The following DROSHA variants were observed in gnomAD, a reference collection of about 807,000 sequenced individuals.
DROSHA encodes the protein ribonuclease 3.
DROSHA carries 56 observed loss-of-function variants against 181.9 expected under a neutral mutation model. The observed-to-expected ratio is 0.31, with a 90% CI of 0.25 to 0.38. The LOEUF is 0.38. DROSHA is among the 10% of genes least tolerant of loss of function. The pLI is 1.00. For synonymous variants in DROSHA, 524 were observed against 591.2 expected (o/e 0.89, Z 1.65); for missense variants, 1,218 against 1,743.5 (o/e 0.70, Z 5.37).
At chr5:31,427,206 C>A (rs111653551) in intron 27 of DROSHA, among the ~76,000 whole-genome samples, 58 of 152,184 alleles carry the variant, frequency 3.8e-4, no homozygotes, top group African/African-American at 1.4e-3. Flanking sequence ...ACTGGGACAG[C>A]TGTGTAAAGA....
chr5:31,403,798 A>G (rs532444692), intron 35 of DROSHA, among the ~76,000 whole-genome samples: 2 of 152,364 alleles, frequency 1.3e-5, no homozygotes, highest in East Asian at 3.9e-4. Flanking sequence ...AATGCCTACT[A>G]TCCGGCCCTT....
intron 14 of DROSHA, 91 bp from the exon 15 acceptor site, chr5:31,485,053 G>C: frequency 1.1e-6 from 1 of 908,816 alleles, no homozygotes; most frequent in Non-Finnish European, 1.7e-6. Flanking sequence ...GTCTTTAAAA[G>C]TGTCTGTTAA....
chr5:31,426,284 A>G (rs187529903), intron 27 of DROSHA, among the ~76,000 whole-genome samples: 12 of 151,936 alleles, frequency 7.9e-5, no homozygotes, highest in African/African-American at 2.4e-4. Flanking sequence ...CAGTGCTACC[A>G]TTTATTAGCT....
At chr5:31,418,186 C>G (rs1269204818) in intron 30 of DROSHA, among the ~76,000 whole-genome samples, 1 of 152,006 alleles carries the variant, frequency 6.6e-6, no homozygotes, top group East Asian at 1.9e-4. Context: ...AACTGGGTCT[C>G]TATCAATCAC....
chr5:31,459,348 C>G (rs1230206271), intron 20 of DROSHA, among the ~76,000 whole-genome samples: 2 of 148,822 alleles, frequency 1.3e-5, no homozygotes, highest in Admixed American at 6.8e-5. Context: ...CCAGAGTGCA[C>G]TATTATTGCA....
chr5:31,472,296 A>G, intron 16 of DROSHA, 64 bp from the exon 17 acceptor site: 1 of 1,492,522 alleles, frequency 6.7e-7, no homozygotes, highest in Non-Finnish European at 8.9e-7. Context: ...CAGCAAATCA[A>G]CAACTGAATA....
At chr5:31,499,576 T>C (rs1403222520) in intron 11 of DROSHA, among the ~76,000 whole-genome samples, 2 of 152,176 alleles carry the variant, frequency 1.3e-5, no homozygotes, top group Non-Finnish European at 2.9e-5. Context: ...GAGAAAATGA[T>C]AGCTATAAGA....
chr5:31,507,458 C>CAAAAA lies in DROSHA; in HGVS notation c.1587+1158_1587+1162dup, dbSNP rs74582937. The stretch of plus-strand genomic sequence containing the variant: ...AGGCAATAAGAGCGAAACTCTGTCT[C>CAAAAA]AAAAAAAAAAAAAAAACTAGCCAGG... On this transcript the variant is annotated intron_variant, in intron 10 of 35. Transcript: ENST00000344624. Among the ~76,000 whole-genome samples, 561 of 122,632 alleles carry CAAAAA rather than the reference C, an allele frequency of 4.6e-3. 17 individuals carry two copies. Among genetic ancestry groups the CAAAAA allele is most frequent in the Admixed American group, 6.0e-3 (70 of 11,702 alleles). 80.5% of individuals were successfully genotyped at this position (122,632 alleles called of 152,430 possible). A position where few individuals can be genotyped will look rare whatever the true frequency, so the allele number is the denominator to read the frequency against.
At chr5:31,528,728 C>G (rs185724421) in intron 4 of DROSHA, among the ~76,000 whole-genome samples, 1 of 152,310 alleles carries the variant, frequency 6.6e-6, no homozygotes, top group East Asian at 1.9e-4. Context: ...ACACTCTGTG[C>G]TGCTTCTTAG....
intron 11 of DROSHA, among the ~76,000 whole-genome samples, chr5:31,500,387 G>A (rs1476484554): frequency 6.6e-6 from 1 of 152,194 alleles, no homozygotes; most frequent in Non-Finnish European, 1.5e-5. Flanking sequence ...TTGACCTGGG[G>A]CACTCAGGAT....
intron 23 of DROSHA, among the ~76,000 whole-genome samples, chr5:31,445,105 A>C (rs1383774424): frequency 1.3e-5 from 2 of 152,218 alleles, no homozygotes; most frequent in Non-Finnish European, 2.9e-5. Flanking sequence ...CTGGATCCCC[A>C]GAATGATAAG....
At position 31,526,084 on chromosome 5, in the gene DROSHA, C is replaced by T. The variant is rs1269994261; in HGVS notation, c.849G>A (p.Arg283=). 1 of 1,584,910 alleles carries T rather than the reference C, an allele frequency of 6.3e-7. No homozygotes were observed. The highest frequency in any genetic ancestry group is 1.7e-5 in the Admixed American group (1 of 58,490). Residue 283 remains arginine (R), a synonymous_variant, in exon 5 of 36, where the codon CGG becomes CGA. Coordinates refer to ENST00000344624, the MANE Select transcript of DROSHA (RefSeq NM_001382508.1). Reference sequence around the variant, plus strand: ...ACTACACACAAGCGGTTTACCTGCTCCGTTCGTAGCTGCGGTGGCGAGATG... The same window carrying T: ...ACTACACACAAGCGGTTTACCTGCTTCGTTCGTAGCTGCGGTGGCGAGATG... ...RTPSRHRSYE[R]SRERERERHR... is the part of the protein sequence containing the mutation.
chr5:31,520,975 A>T, intron 6 of DROSHA, 148 bp downstream of exon 6: 1 of 629,510 alleles, frequency 1.6e-6, no homozygotes, highest in Non-Finnish European at 2.6e-6. Context: ...AAAGTCTTTT[A>T]AATTACAGTC....
At chr5:31,503,947 A>G (rs1737609004) in intron 11 of DROSHA, among the ~76,000 whole-genome samples, 1 of 152,244 alleles carries the variant, frequency 6.6e-6, no homozygotes, top group Non-Finnish European at 1.5e-5. Flanking sequence ...AATACAATGC[A>G]CTGAATTATA....
At chr5:31,465,268 T>C (rs1211439146) in intron 19 of DROSHA, among the ~76,000 whole-genome samples, 5 of 152,186 alleles carry the variant, frequency 3.3e-5, no homozygotes, top group Non-Finnish European at 7.3e-5. Flanking sequence ...AAACCGTTTA[T>C]TCTTATAATT....
chr5:31,446,363 CG>C (rs1232542795), intron 23 of DROSHA, among the ~76,000 whole-genome samples: 1 of 141,250 alleles, frequency 7.1e-6, no homozygotes, highest in Admixed American at 7.8e-5. Flanking sequence ...GGGAGAATGG[CG>C]TGAACCCGGG....
At chr5:31,504,774 G>A (rs1162139670) in intron 10 of DROSHA, 139 bp from the exon 11 acceptor site, 3 of 825,204 alleles carry the variant, frequency 3.6e-6, no homozygotes, top group Non-Finnish European at 5.8e-6. Context: ...AAGATTAAAC[G>A]GATGTTCCAA....
intron 20 of DROSHA, among the ~76,000 whole-genome samples, chr5:31,456,171 G>C (rs1747632921): frequency 1.3e-5 from 2 of 152,094 alleles, no homozygotes; most frequent in Non-Finnish European, 2.9e-5. Flanking sequence ...AAACAAAAAA[G>C]GGGAGGTGGG....
chr5:31,511,457 C>G (rs539713830), intron 8 of DROSHA, among the ~76,000 whole-genome samples: 35 of 152,178 alleles, frequency 2.3e-4, no homozygotes, highest in Middle Eastern at 3.4e-3. Flanking sequence ...GTAATCCTAG[C>G]AACTTTGGGA....
Sources: allele counts gnomAD v4.1 joint callset (sites outside exome capture counted in the v4.1 genomes callset), GRCh38; gene constraint gnomAD v4.1.1; transcripts MANE v1.5; gene names NCBI Gene and HGNC (gene_info 2026-07-23, HGNC 2026-07-21).